The following NUDT6 variants were observed in gnomAD, a reference collection of about 807,000 sequenced individuals.
NUDT6 encodes nudix hydrolase 6, also known as FAD diphosphatase NUDT6.
Under a neutral mutation model 36.8 loss-of-function variants are expected in NUDT6, and 24 were observed. That is an observed-to-expected ratio of 0.65 (90% CI 0.47 to 0.92). NUDT6 has a LOEUF of 0.92. NUDT6 is among the 40% of genes least tolerant of loss of function. The pLI is 0.00. For missense variants in NUDT6, 388 were observed against 392.8 expected (o/e 0.99, Z 0.10); for synonymous variants, 163 against 157.0 (o/e 1.04, Z -0.29).
At chr4:122,901,656 C>T (rs1727526250) in intron 3 of NUDT6, among the ~76,000 whole-genome samples, 2 of 152,146 alleles carry the variant, frequency 1.3e-5, no homozygotes, top group African/African-American at 4.8e-5. Flanking sequence ...TCTGTTAAAG[C>T]ATGTTCAAGT....
Position 122,912,639 on chromosome 4 carries a change from GAA to G in NUDT6, c.443-18_443-17del. 6.8e-7 allele frequency: 1 copy of G among 1,463,540 alleles called. No homozygotes were observed. The highest frequency in any genetic ancestry group is 2.3e-5 in the East Asian group (1 of 44,028). 90.7% of individuals were successfully genotyped at this position (1,463,540 alleles called of 1,614,324 possible). On this transcript the variant is annotated splice_polypyrimidine_tract_variant and intron_variant, in intron 2 of 4. Transcript: ENST00000304430. ...AATACAGCTCCTATTAGGGGAAAAA[GAA>G]AAGATAATTGAGAAATATTAATTTC... is the stretch of plus-strand genomic sequence containing the variant.
rs1727875055 is a variant in NUDT6, at chr4:122,917,690, A to T, written c.253T>A (p.Trp85Arg). The T allele has an allele frequency of 9.9e-6, 16 of 1,614,066 alleles. No individual in the cohort carries two copies. In the South Asian group the frequency reaches 1.3e-4, roughly 13 times the overall value. The change falls in exon 2 of 5, where the codon TGG (tryptophan) becomes AGG (arginine). Residue 85 changes from tryptophan to arginine, a missense_variant. Transcript: ENST00000304430. ...QKGLQAAVQQ[W>R]RSEGRTAVWL... is the part of the protein sequence containing the mutation. ...ACAGCTGTTCTACCTTCTGATCGCC[A>T]TTGCTGTACTGCAGCTAAATGCAGA...
rs200477292 is a variant in NUDT6, at chr4:122,922,595, G to A, written c.-23C>T. 7.0e-6 allele frequency: 11 copies of A among 1,577,234 alleles called. No homozygotes were observed. The highest frequency in any genetic ancestry group is 2.3e-5 in the South Asian group (2 of 88,604). On this transcript the variant is annotated 5_prime_UTR_variant, in exon 1 of 5. The change creates a new upstream start codon in the 5' untranslated region. Coordinates refer to ENST00000304430, the MANE Select transcript of NUDT6 (RefSeq NM_007083.5). ...CATCTCCACGCCGCTTAATTCGTCC[G>A]TTGCCCAAATGACCCCTCCGCGCTC... is the stretch of plus-strand genomic sequence containing the variant.
At chr4:122,918,454 C>T (rs1727897700) in intron 1 of NUDT6, 1 of 152,168 alleles carries the variant, frequency 6.6e-6, no homozygotes, top group African/African-American at 2.4e-5. Flanking sequence ...AAAGGTATTA[C>T]TACCTTAAGT....
At position 122,922,532 on chromosome 4, in the gene NUDT6, A is replaced by G. The variant is rs1560778637; in HGVS notation, c.41T>C (p.Leu14Pro). The G allele has an allele frequency of 6.2e-7, 1 of 1,604,914 alleles. No individual in the cohort carries two copies. Among genetic ancestry groups the G allele is most frequent in the East Asian group, 2.2e-5 (1 of 44,758 alleles). ...PLSWGRWRAM[L>P]ARTYGPGPSA... ...AGGCCCGGGGCCGTAGGTTCGGGCA[A>G]GCATCGCGCGCCAGCGGCCCCAGCT... Residue 14 changes from leucine (L) to proline (P), a missense_variant, in exon 1 of 5, where the codon CTT becomes CCT. Physicochemically the swap from Leu to Pro is moderately conservative, Grantham distance 98. Transcript: ENST00000304430.
chr4:122,915,468 T>C (rs1727810158), intron 2 of NUDT6, among the ~76,000 whole-genome samples: 1 of 29,086 alleles, frequency 3.4e-5, no homozygotes. Context: ...AGACCCTGCC[T>C]CAAAAAAAAA....
intron 3 of NUDT6, among the ~76,000 whole-genome samples, chr4:122,900,098 A>C (rs961502271): frequency 2.8e-4 from 35 of 125,148 alleles, no homozygotes; most frequent in Admixed American, 1.3e-3. Context: ...CAGAGAGATT[A>C]GTCCTGTGCG....
In NUDT6 at chr4:122,892,877, T is replaced by TA; in HGVS notation, c.901dup (p.Tyr301LeufsTer3). ...ATAATTCTCTGGCAGTTCCTTATGA[T>TA]AGAGTTTATAAAACAGTCCTGTGTA... On this transcript the variant is annotated frameshift_variant, in exon 5 of 5. Transcript: ENST00000304430. LOFTEE classifies it high-confidence loss of function. 2 of 1,612,088 alleles carry TA rather than the reference T, an allele frequency of 1.2e-6. No homozygotes were observed. The highest frequency in any genetic ancestry group is 1.3e-5 in the African/African-American group (1 of 75,008).
chr4:122,908,743 CA>C (rs1359916687), intron 3 of NUDT6, among the ~76,000 whole-genome samples: 1 of 151,910 alleles, frequency 6.6e-6, no homozygotes. Context: ...AATAAAATGG[CA>C]TTCTGATTTA....
At chr4:122,913,721 T>C (rs1178618130) in intron 2 of NUDT6, among the ~76,000 whole-genome samples, 4 of 151,406 alleles carry the variant, frequency 2.6e-5, no homozygotes, top group African/African-American at 9.8e-5. Context: ...TTTTAAGTTC[T>C]AGTTCATTTT....
intron 4 of NUDT6, chr4:122,895,072 C>T (rs1041383153): frequency 2.0e-5 from 3 of 152,190 alleles, no homozygotes; most frequent in African/African-American, 7.2e-5. Context: ...ACTTGAATCA[C>T]TAACTGACTG....
chr4:122,912,481 T>C (rs949823827), intron 3 of NUDT6, 87 bp downstream of exon 3: 1 of 893,206 alleles, frequency 1.1e-6, no homozygotes, highest in African/African-American at 1.7e-5. Context: ...CTATAACCCC[T>C]TAGGCATATT....
chr4:122,917,982 T>A, intron 1 of NUDT6: 1 of 390,152 alleles, frequency 2.6e-6, no homozygotes, highest in Non-Finnish European at 4.7e-6. Flanking sequence ...ACGTAACAGA[T>A]GTTCTGTAGT....
At chr4:122,906,515 T>C (rs1727619082) in intron 3 of NUDT6, among the ~76,000 whole-genome samples, 1 of 152,190 alleles carries the variant, frequency 6.6e-6, no homozygotes, top group African/African-American at 2.4e-5. Context: ...GATGCCAGCA[T>C]GCTGACTGGA....
At chr4:122,912,392 G>C (rs1727748912) in intron 3 of NUDT6, among the ~76,000 whole-genome samples, 176 bp downstream of exon 3, 1 of 152,044 alleles carries the variant, frequency 6.6e-6, no homozygotes, top group South Asian at 2.1e-4. Flanking sequence ...AAATTTTCAA[G>C]GTCTGTATAA....
intron 3 of NUDT6, among the ~76,000 whole-genome samples, chr4:122,911,946 T>G (rs1477894769): frequency 6.6e-6 from 1 of 152,218 alleles, no homozygotes; most frequent in Non-Finnish European, 1.5e-5. Context: ...ACTGAACTTT[T>G]TACCATTATT....
chr4:122,915,484 A>AC (rs67674710), intron 2 of NUDT6, among the ~76,000 whole-genome samples: 56,973 of 125,268 alleles, frequency 0.45, 15,076 homozygotes, highest in Non-Finnish European at 0.6. Context: ...AAAAAAAAAA[A>AC]AAAAAAAAAA....
intron 3 of NUDT6, among the ~76,000 whole-genome samples, chr4:122,900,388 T>G (rs1031098743): frequency 2.7e-5 from 4 of 149,982 alleles, no homozygotes; most frequent in Non-Finnish European, 2.9e-5. Flanking sequence ...TTGTAAACCT[T>G]CCAGCCTTCC....
chr4:122,914,084 T>C (rs1187912433), intron 2 of NUDT6, among the ~76,000 whole-genome samples: 2 of 152,136 alleles, frequency 1.3e-5, no homozygotes, highest in East Asian at 3.8e-4. Context: ...CCTTATGGGG[T>C]TCACATTCTG....
Sources: gnomAD v4.1 joint callset for allele counts (sites outside exome capture counted in the v4.1 genomes callset) on GRCh38, gnomAD v4.1.1 for gene constraint, MANE v1.5 for transcripts, NCBI Gene and HGNC (gene_info 2026-07-23, HGNC 2026-07-21) for gene names.